Variants in EPHB1 observed in about 807,000 individuals in gnomAD.
EPHB1 encodes ephrin type-B receptor 1.
Under a neutral mutation model 94.4 loss-of-function variants are expected in EPHB1, and 30 were observed. The observed-to-expected ratio is 0.32, with a 90% CI of 0.24 to 0.43. EPHB1 has a LOEUF of 0.43. Among genes scored for constraint, EPHB1 ranks in the 20% least tolerant of loss-of-function variants. The pLI is 1.00. For missense variants in EPHB1, 1,055 were observed against 1,308.3 expected, an observed-to-expected ratio of 0.81 and a Z score of 2.99; for synonymous variants, 522 against 489.1, an observed-to-expected ratio of 1.07 and a Z score of -0.89.
At chr3:134,881,567 G>T (rs537135056) in intron 1 of EPHB1, among the ~76,000 whole-genome samples, 8 of 152,306 alleles carry the variant, frequency 5.3e-5, no homozygotes, top group African/African-American at 1.9e-4. Context: ...TGGATAAACA[G>T]CTGTAGAGCT....
rs181530993 is a variant in EPHB1 at position 134,849,213 on chromosome 3, G to A, written c.58+53524G>A. On this transcript the variant is annotated intron_variant, in intron 1 of 15. Transcript: ENST00000398015. ...CGTAGAGGGCTTGTTGAAACAGATT[G>A]TTGCTCTCCACCTTGAGTTTCCGAT... Among the ~76,000 whole-genome samples, 13 of 152,330 alleles carry A rather than the reference G, an allele frequency of 8.5e-5. No homozygotes were observed. The East Asian group carries it at 2.5e-3, about 29-fold the overall frequency.
chr3:135,129,068 C>T (rs1940318098), intron 4 of EPHB1, among the ~76,000 whole-genome samples: 2 of 152,138 alleles, frequency 1.3e-5, no homozygotes, highest in Admixed American at 6.5e-5. Flanking sequence ...CAACCATGAC[C>T]TTCACAAGCC....
chr3:134,953,754 A>T (rs746856890), intron 3 of EPHB1, among the ~76,000 whole-genome samples: 13 of 152,186 alleles, frequency 8.5e-5, no homozygotes, highest in Admixed American at 6.5e-4. Context: ...TTCTGATTTA[A>T]TTGGGTCTCT....
chr3:135,123,402 A>G (rs962157012), intron 4 of EPHB1, among the ~76,000 whole-genome samples: 3 of 152,242 alleles, frequency 2.0e-5, no homozygotes, highest in Non-Finnish European at 4.4e-5. Flanking sequence ...CTAGTATCCA[A>G]AAGTTCAATT....
intron 1 of EPHB1, among the ~76,000 whole-genome samples, chr3:134,823,531 C>A (rs2036420913): frequency 6.6e-6 from 1 of 152,198 alleles, no homozygotes; most frequent in Non-Finnish European, 1.5e-5. Context: ...CTCTCATGTA[C>A]CGCTTGCAAC....
At chr3:134,912,743 C>A (rs1007162033) in intron 1 of EPHB1, among the ~76,000 whole-genome samples, 1 of 152,328 alleles carries the variant, frequency 6.6e-6, no homozygotes, top group Middle Eastern at 3.4e-3. Context: ...TTTCTGTGCC[C>A]ACTGACATGG....
rs1405408293 is a variant in EPHB1, at chr3:135,201,532, C to T, written c.2189C>T (p.Ala730Val). 6.2e-7 allele frequency: 1 copy of T among 1,613,884 alleles called. No individual in the cohort carries two copies. The highest frequency in any genetic ancestry group is 1.3e-5 in the African/African-American group (1 of 74,864). The change falls in exon 12 of 16, where the codon GCT becomes GTT. Residue 730 changes from alanine to valine, a missense_variant. By Grantham distance (64) the Ala-to-Val change is moderately conservative. Coordinates refer to ENST00000398015, the MANE Select transcript of EPHB1 (RefSeq NM_004441.5). The stretch of plus-strand genomic sequence containing the variant: ...GTGGGTATGCTCAGGGGCATCGCTG[C>T]TGGCATGAAGTACCTGGCTGAGATG... The part of the protein sequence containing the change: ...QLVGMLRGIA[A>V]GMKYLAEMNY...
intron 3 of EPHB1, among the ~76,000 whole-genome samples, chr3:135,015,429 A>G (rs1247752432): frequency 6.6e-6 from 1 of 152,038 alleles, no homozygotes; most frequent in Admixed American, 6.5e-5. Flanking sequence ...TTTAGTAGAG[A>G]CGGGGTTTCA....
At chr3:135,123,882 GTCC>G (rs1940085215) in intron 4 of EPHB1, among the ~76,000 whole-genome samples, 1 of 151,570 alleles carries the variant, frequency 6.6e-6, no homozygotes, top group Non-Finnish European at 1.5e-5. Flanking sequence ...TGACTGCTGT[GTCC>G]TCCTGATTGG....
At chr3:134,905,474 G>A (rs1390745517) in intron 1 of EPHB1, among the ~76,000 whole-genome samples, 1 of 152,244 alleles carries the variant, frequency 6.6e-6, no homozygotes, top group Non-Finnish European at 1.5e-5. Context: ...CAACCAGGGG[G>A]CAGGGCAAGC....
At chr3:135,125,464 G>T (rs1313095541) in intron 4 of EPHB1, among the ~76,000 whole-genome samples, 1 of 148,356 alleles carries the variant, frequency 6.7e-6, no homozygotes, top group South Asian at 2.1e-4. Flanking sequence ...CCTGTCTGAT[G>T]TGCTCCTGTT....
intron 12 of EPHB1, among the ~76,000 whole-genome samples, chr3:135,213,148 G>A (rs553273333): frequency 1.3e-5 from 2 of 152,264 alleles, no homozygotes; most frequent in South Asian, 4.2e-4. Flanking sequence ...TCTCCACCTT[G>A]TTTTCCCCCA....
chr3:135,247,607 T>C (rs947068055), intron 13 of EPHB1, among the ~76,000 whole-genome samples: 1 of 152,182 alleles, frequency 6.6e-6, no homozygotes, highest in Non-Finnish European at 1.5e-5. Flanking sequence ...GTTCCTAAAA[T>C]CTTTACAAAA....
chr3:135,105,873 T>G (rs1939196791), intron 3 of EPHB1, among the ~76,000 whole-genome samples: 1 of 152,208 alleles, frequency 6.6e-6, no homozygotes, highest in East Asian at 1.9e-4. Context: ...TCACCCTAAT[T>G]TAGTTTTAAA....
chr3:135,178,224 A>AGCGGG (rs1553744895), intron 9 of EPHB1, among the ~76,000 whole-genome samples: 11 of 139,512 alleles, frequency 7.9e-5, no homozygotes, highest in East Asian at 2.2e-4. Context: ...GAGGCCGGGG[A>AGCGGG]GGGGGGGTGG....
intron 10 of EPHB1, among the ~76,000 whole-genome samples, chr3:135,189,070 A>G (rs1942398454): frequency 6.6e-6 from 1 of 152,196 alleles, no homozygotes; most frequent in Non-Finnish European, 1.5e-5. Context: ...AGACTTGAAG[A>G]CCAGTCACAA....
At chr3:134,816,336 C>T (rs563457232) in intron 1 of EPHB1, among the ~76,000 whole-genome samples, 12 of 152,116 alleles carry the variant, frequency 7.9e-5, no homozygotes, top group Middle Eastern at 3.4e-3. Flanking sequence ...TCAAATGCTC[C>T]GCCCACCTCG....
intron 3 of EPHB1, among the ~76,000 whole-genome samples, chr3:135,054,328 G>C (rs1937284026): frequency 2.0e-5 from 3 of 152,130 alleles, no homozygotes; most frequent in South Asian, 4.1e-4. Flanking sequence ...CTACTGTGCA[G>C]ATTTTGGACT....
chr3:134,839,181 A>G (rs944637557), intron 1 of EPHB1, among the ~76,000 whole-genome samples: 5 of 152,196 alleles, frequency 3.3e-5, no homozygotes, highest in African/African-American at 1.2e-4. Flanking sequence ...TGTGAAAGCA[A>G]CTGTTCAGGC....
Sources: gnomAD v4.1 joint callset for allele counts (sites outside exome capture counted in the v4.1 genomes callset) on GRCh38, gnomAD v4.1.1 for gene constraint, MANE v1.5 for transcripts, NCBI Gene and HGNC (gene_info 2026-07-23, HGNC 2026-07-21) for gene names.